PTPN13: variants seen among roughly 807,000 people sequenced by gnomAD.
PTPN13 encodes the protein tyrosine-protein phosphatase non-receptor type 13.
In PTPN13, 191 loss-of-function variants were observed where a neutral mutation model predicts 284.0. The ratio of observed to expected loss-of-function variants is 0.67; its 90% confidence interval spans 0.60 to 0.76. The LOEUF (loss-of-function observed/expected upper bound fraction) is 0.76, where lower values mean the gene tolerates loss of function less well. Among genes scored for constraint, PTPN13 ranks in the 30% least tolerant of loss-of-function variants. The pLI is 0.00. For synonymous variants in PTPN13, 986 were observed against 1,022.3 expected (o/e 0.96, Z 0.68); for missense variants, 2,797 against 2,939.9 (o/e 0.95, Z 1.12).
chr4:86,650,407 G>A (rs1184876512), intron 2 of PTPN13, among the ~76,000 whole-genome samples: 1 of 152,118 alleles, frequency 6.6e-6, no homozygotes, highest in Non-Finnish European at 1.5e-5. Flanking sequence ...TGCCTCCTAG[G>A]CTCAAGTGAT....
chr4:86,635,862 C>T (rs1053110818), intron 2 of PTPN13, among the ~76,000 whole-genome samples: 2 of 152,090 alleles, frequency 1.3e-5, no homozygotes, highest in Admixed American at 6.6e-5. Context: ...ACTCGGGAGG[C>T]TGAGGCAGGA....
intron 40 of PTPN13, among the ~76,000 whole-genome samples, chr4:86,794,096 T>TA (rs1373003533): frequency 2.6e-5 from 4 of 151,934 alleles, no homozygotes; most frequent in African/African-American, 7.2e-5. Context: ...AATAGACTGC[T>TA]AGCAAAAAGT....
At chr4:86,779,752 T>G (rs1741083400) in intron 35 of PTPN13, among the ~76,000 whole-genome samples, 1 of 152,166 alleles carries the variant, frequency 6.6e-6, no homozygotes. Context: ...TTCTCTCAAT[T>G]ATCAGCAACA....
chr4:86,791,212 G>A (rs554440856), intron 40 of PTPN13, among the ~76,000 whole-genome samples: 1 of 152,344 alleles, frequency 6.6e-6, no homozygotes, highest in African/African-American at 2.4e-5. Flanking sequence ...GGCTCAGCGG[G>A]TCCCAAGCCC....
At chr4:86,634,372 A>G (rs112255040) in intron 1 of PTPN13, among the ~76,000 whole-genome samples, 129 of 152,202 alleles carry the variant, frequency 8.5e-4, no homozygotes, top group Non-Finnish European at 1.3e-3. Flanking sequence ...GATTTTAACT[A>G]GTTACATTTT....
chr4:86,727,545 G>T (rs1416843390), intron 10 of PTPN13, among the ~76,000 whole-genome samples: 1 of 149,004 alleles, frequency 6.7e-6, no homozygotes, highest in Non-Finnish European at 1.5e-5. Flanking sequence ...GTCTTGGGAG[G>T]GTGTATGTGT....
In PTPN13 at chr4:86,784,445, G is replaced by C; in HGVS notation, c.6025-20G>C. 4 of 1,542,748 alleles carry C rather than the reference G, an allele frequency of 2.6e-6. No homozygotes were observed. Among genetic ancestry groups the C allele is most frequent in the Non-Finnish European group, 3.5e-6 (4 of 1,127,788 alleles). On this transcript the variant is annotated intron_variant, in intron 37 of 47. Coordinates refer to ENST00000411767, the MANE Select transcript of PTPN13 (RefSeq NM_080683.3). ...TTAGTAAAATACTATCTGATGATTT[G>C]CTTTGGTTTTATGCTTTAGGTTGCT...
chr4:86,745,459 T>G (rs959919777), intron 17 of PTPN13, among the ~76,000 whole-genome samples: 1 of 152,186 alleles, frequency 6.6e-6, no homozygotes, highest in Non-Finnish European at 1.5e-5. Flanking sequence ...ACCAACATGC[T>G]TGAAACAGCA....
Position 86,639,451 on chromosome 4 carries a change from G to A in PTPN13, c.115+4080G>A, listed in dbSNP as rs112849901. On this transcript the variant is annotated intron_variant, in intron 2 of 47. Transcript: ENST00000411767. ...CCAAATGTCCAACAATGATAGACTG[G>A]ATTAAGAAAATGTGGCACATATACA... Among the ~76,000 whole-genome samples the A allele has an allele frequency of 1.3e-3, 197 of 152,252 alleles. 1 individual carries two copies. The highest frequency in any genetic ancestry group is 4.6e-3 in the African/African-American group (189 of 41,526).
At chr4:86,663,114 A>G (rs1200156127) in intron 2 of PTPN13, among the ~76,000 whole-genome samples, 1 of 152,258 alleles carries the variant, frequency 6.6e-6, no homozygotes, top group East Asian at 1.9e-4. Flanking sequence ...AGATAGAAAA[A>G]GCCAAATGAA....
intron 16 of PTPN13, among the ~76,000 whole-genome samples, chr4:86,744,244 C>A (rs1736478303): frequency 6.6e-6 from 1 of 152,150 alleles, no homozygotes; most frequent in African/African-American, 2.4e-5. Context: ...GCCACCCAGA[C>A]TCTACTTGAC....
In PTPN13 at chr4:86,762,941, G is replaced by A. The variant is rs751741278; in HGVS notation, c.3768G>A (p.Leu1256=). The change falls in exon 24 of 48, where the codon TTG becomes TTA. Residue 1256 remains leucine, a synonymous_variant. Transcript: ENST00000411767. ...ATTCCAGGACTGAGAGTGCCAGCTTGTCTCAAAGCCAGGTCAATGGTTTCT... is the reference window on the plus strand; with the variant it reads ...ATTCCAGGACTGAGAGTGCCAGCTTATCTCAAAGCCAGGTCAATGGTTTCT... The part of the protein sequence containing the change: ...SQDSRTESAS[L]SQSQVNGFFA... The A allele has an allele frequency of 3.7e-6, 6 of 1,613,776 alleles. No individual in the cohort carries two copies. The highest frequency in any genetic ancestry group is 4.5e-5 in the East Asian group (2 of 44,878).
intron 1 of PTPN13, among the ~76,000 whole-genome samples, chr4:86,616,834 C>T (rs1004008974): frequency 6.6e-6 from 1 of 152,048 alleles, no homozygotes; most frequent in Non-Finnish European, 1.5e-5. Flanking sequence ...TACCTAGCCT[C>T]AGATATTTCT....
At chr4:86,654,052 G>T (rs1725442337) in intron 2 of PTPN13, among the ~76,000 whole-genome samples, 1 of 152,034 alleles carries the variant, frequency 6.6e-6, no homozygotes, top group East Asian at 1.9e-4. Flanking sequence ...AGCACTAAAT[G>T]CCCACAAGAG....
At chr4:86,791,598 G>T (rs10013048) in intron 40 of PTPN13, among the ~76,000 whole-genome samples, 15,120 of 152,200 alleles carry the variant, frequency 0.099, 864 homozygotes, top group Non-Finnish European at 0.11. Flanking sequence ...CATCTCCCAG[G>T]AGGGGCCGAC....
At chr4:86,634,724 A>G (rs1188945292) in intron 1 of PTPN13, among the ~76,000 whole-genome samples, 2 of 152,200 alleles carry the variant, frequency 1.3e-5, no homozygotes, top group East Asian at 3.8e-4. Flanking sequence ...ACTTAATTGC[A>G]TTTAGTGCAA....
intron 14 of PTPN13, among the ~76,000 whole-genome samples, 161 bp downstream of exon 14, chr4:86,735,036 A>G (rs772374758): frequency 6.6e-6 from 1 of 152,066 alleles, no homozygotes; most frequent in Non-Finnish European, 1.5e-5. Flanking sequence ...TATATCAATT[A>G]TATAAAATCA....
At position 86,722,434 on chromosome 4, in the gene PTPN13, G is replaced by C; in HGVS notation, c.1608G>C (p.Arg536Ser). Residue 536 changes from arginine (R) to serine (S), a missense_variant and splice_region_variant, in exon 10 of 48, where the codon AGG (arginine) becomes AGC (serine). By Grantham distance (110) the Arg-to-Ser change is moderately radical. Coordinates refer to ENST00000411767, the MANE Select transcript of PTPN13 (RefSeq NM_080683.3). The stretch of plus-strand genomic sequence containing the variant: ...CAGCCATGACTCAAAGAAAACTGAG[G>C]GTAAGTTGATTCTCAGGTTACTACA... ...LETAMTQRKL[R>S]NFFGPEFVKM... The C allele has an allele frequency of 6.2e-7, 1 of 1,607,736 alleles. No homozygotes were observed. Among genetic ancestry groups the C allele is most frequent in the Non-Finnish European group, 8.5e-7 (1 of 1,174,578 alleles).
intron 40 of PTPN13, among the ~76,000 whole-genome samples, chr4:86,794,103 A>G (rs544902367): frequency 6.6e-6 from 1 of 152,260 alleles, no homozygotes; most frequent in South Asian, 2.1e-4. Context: ...TGCTAGCAAA[A>G]AGTCAAATTG....
Sources: allele counts gnomAD v4.1 joint callset (sites outside exome capture counted in the v4.1 genomes callset), GRCh38; gene constraint gnomAD v4.1.1; transcripts MANE v1.5; gene names NCBI Gene and HGNC (gene_info 2026-07-23, HGNC 2026-07-21).